Variants in HTR1F observed in about 807,000 individuals in gnomAD.
The protein encoded by HTR1F is 5-hydroxytryptamine receptor 1F.
In HTR1F, 17 loss-of-function variants were observed where a neutral mutation model predicts 24.0. The ratio of observed to expected loss-of-function variants is 0.71; its 90% CI spans 0.48 to 1.06. HTR1F has a LOEUF of 1.06. Ranked by LOEUF, HTR1F falls within the 50% of genes least tolerant of loss-of-function variation. The pLI is 0.00. For synonymous variants in HTR1F, 186 were observed against 156.8 expected, an observed-to-expected ratio of 1.19 and a Z score of -1.39; for missense variants, 391 against 427.8, an observed-to-expected ratio of 0.91 and a Z score of 0.76.
At chr3:87,922,697 A>G (rs532992617) in intron 2 of HTR1F, among the ~76,000 whole-genome samples, 15 of 151,916 alleles carry the variant, frequency 9.9e-5, no homozygotes, top group African/African-American at 3.6e-4. Context: ...GTTAATTTTT[A>G]TATATAGGGA....
At chr3:87,854,617 G>A (rs1425439685) in intron 2 of HTR1F, among the ~76,000 whole-genome samples, 1 of 151,960 alleles carries the variant, frequency 6.6e-6, no homozygotes, top group Admixed American at 6.6e-5. Flanking sequence ...GTTATTGCCA[G>A]TGGTACTTCT....
intron 2 of HTR1F, among the ~76,000 whole-genome samples, chr3:87,918,708 GA>G (rs1192357447): frequency 1.3e-5 from 2 of 152,068 alleles, no homozygotes; most frequent in African/African-American, 4.8e-5. Context: ...AAACACTGCT[GA>G]AAGAAATTGT....
chr3:87,852,195 C>G (rs1193492947), intron 2 of HTR1F, among the ~76,000 whole-genome samples: 2 of 151,182 alleles, frequency 1.3e-5, no homozygotes, highest in Non-Finnish European at 3.0e-5. Context: ...AGTTTTTTGC[C>G]CAAGTTTTCA....
chr3:87,868,347 T>C (rs1705472347), intron 2 of HTR1F, among the ~76,000 whole-genome samples: 1 of 152,044 alleles, frequency 6.6e-6, no homozygotes, highest in Non-Finnish European at 1.5e-5. Context: ...CTGATTGAAA[T>C]TTGAATTAGA....
At chr3:87,818,256 A>G (rs1237140237) in intron 1 of HTR1F, among the ~76,000 whole-genome samples, 1 of 152,212 alleles carries the variant, frequency 6.6e-6, no homozygotes, top group Non-Finnish European at 1.5e-5. Context: ...ATACAAATCA[A>G]CATAGATACC....
intron 2 of HTR1F, among the ~76,000 whole-genome samples, chr3:87,866,774 C>G (rs2938272): frequency 6.6e-6 from 1 of 150,778 alleles, no homozygotes; most frequent in South Asian, 2.1e-4. Context: ...GAAAATTGTT[C>G]GGGTTAGAAT....
chr3:87,952,598 T>C (rs1704857837), intron 2 of HTR1F, among the ~76,000 whole-genome samples: 1 of 152,026 alleles, frequency 6.6e-6, no homozygotes. Context: ...AATGATATCT[T>C]CACGTAGAAA....
In HTR1F at chr3:87,843,796, C is replaced by T. The variant is rs1398315189; in HGVS notation, c.-43+21672C>T. On this transcript the variant is annotated intron_variant, in intron 2 of 2. Transcript: ENST00000319595. ...TGCGGTGTTTGGTTTTCTGTTCTTG[C>T]GATAGTTTACTGAGAATGATGGTTT... 3.3e-5 allele frequency among the ~76,000 whole-genome samples: 5 copies of T among 150,988 alleles called. No homozygotes were observed. The South Asian group carries it at 6.3e-4, about 19-fold the overall frequency.
intron 2 of HTR1F, among the ~76,000 whole-genome samples, chr3:87,835,132 C>T (rs1212710484): frequency 6.6e-6 from 1 of 152,134 alleles, no homozygotes; most frequent in Non-Finnish European, 1.5e-5. Flanking sequence ...CTGGACCAAA[C>T]ATCTTGATTC....
At chr3:87,981,987 C>T (rs150879771) in intron 2 of HTR1F, among the ~76,000 whole-genome samples, 209 of 151,754 alleles carry the variant, frequency 1.4e-3, no homozygotes, top group African/African-American at 4.9e-3. Context: ...GGCTAGAGTT[C>T]AGTGGCAGAT....
At chr3:87,914,768 C>A (rs1703856044) in intron 2 of HTR1F, among the ~76,000 whole-genome samples, 1 of 152,086 alleles carries the variant, frequency 6.6e-6, no homozygotes, top group Non-Finnish European at 1.5e-5. Context: ...ACCCTGGTAG[C>A]TGAAGACAAG....
intron 1 of HTR1F, among the ~76,000 whole-genome samples, chr3:87,815,669 A>T (rs1438935620): frequency 6.6e-6 from 1 of 152,108 alleles, no homozygotes; most frequent in Admixed American, 6.6e-5. Flanking sequence ...ACATGATGGA[A>T]AGTGTAAGTT....
intron 2 of HTR1F, among the ~76,000 whole-genome samples, chr3:87,938,323 T>C (rs1250156770): frequency 1.3e-5 from 2 of 152,198 alleles, no homozygotes; most frequent in Non-Finnish European, 2.9e-5. Context: ...TCCACGCTCA[T>C]GGGTATAAAA....
intron 2 of HTR1F, among the ~76,000 whole-genome samples, chr3:87,942,739 C>CG (rs570985829): frequency 6.9e-6 from 1 of 144,522 alleles, no homozygotes; most frequent in Non-Finnish European, 1.5e-5. Flanking sequence ...AAGCGGTGGC[C>CG]TTTTTTTTTT....
At chr3:87,808,139 G>C (rs1405619384) in intron 1 of HTR1F, among the ~76,000 whole-genome samples, 1 of 151,942 alleles carries the variant, frequency 6.6e-6, no homozygotes, top group Non-Finnish European at 1.5e-5. Flanking sequence ...CATGGAATAA[G>C]TTAGGTAGAA....
At chr3:87,913,586 A>G (rs1303634091) in intron 2 of HTR1F, among the ~76,000 whole-genome samples, 1 of 152,156 alleles carries the variant, frequency 6.6e-6, no homozygotes. Context: ...CTGGATATAT[A>G]CCCAAAGAAA....
chr3:87,881,358 G>A (rs1453809698), intron 2 of HTR1F, among the ~76,000 whole-genome samples: 3 of 152,210 alleles, frequency 2.0e-5, no homozygotes, highest in Non-Finnish European at 4.4e-5. Context: ...CCACCTGCAA[G>A]GCAGCAGCCT....
chr3:87,956,824 C>A (rs1189460942), intron 2 of HTR1F, among the ~76,000 whole-genome samples: 3 of 151,250 alleles, frequency 2.0e-5, no homozygotes, highest in African/African-American at 7.3e-5. Context: ...AACGTTGTAT[C>A]CTGCAACTTG....
rs1207567687 is a variant in HTR1F, at chr3:87,842,226, A to T, written c.-43+20102A>T. Among the ~76,000 whole-genome samples, 3 of 151,682 alleles carry T rather than the reference A, an allele frequency of 2.0e-5. 1 individual carries two copies. Among genetic ancestry groups the T allele is most frequent in the African/African-American group, 7.3e-5 (3 of 41,070 alleles). Reference sequence around the variant, plus strand: ...GCCCAGGCTGGAGTGCAGTGGCTTGATCTCAGCTCACTGCATTCTCCACCT... The same window carrying T: ...GCCCAGGCTGGAGTGCAGTGGCTTGTTCTCAGCTCACTGCATTCTCCACCT... On this transcript the variant is annotated intron_variant, in intron 2 of 2. Coordinates refer to ENST00000319595, the MANE Select transcript of HTR1F (RefSeq NM_001322209.2).
Sources: allele counts gnomAD v4.1 joint callset (sites outside exome capture counted in the v4.1 genomes callset), GRCh38; gene constraint gnomAD v4.1.1; transcripts MANE v1.5; gene names NCBI Gene and HGNC (gene_info 2026-07-23, HGNC 2026-07-21).